NFXL1: variants seen among roughly 807,000 people sequenced by gnomAD.
NFXL1 encodes NF-X1-type zinc finger protein NFXL1.
Under a neutral mutation model 123.3 loss-of-function variants are expected in NFXL1, and 66 were observed. The ratio of observed to expected loss-of-function variants is 0.54; its 90% CI spans 0.44 to 0.66. The LOEUF (loss-of-function observed/expected upper bound fraction) is 0.66. NFXL1 is among the 30% of genes least tolerant of loss of function. The pLI, the probability that NFXL1 is intolerant of heterozygous loss-of-function variation, is 0.00. For missense variants in NFXL1, 944 were observed against 1,125.6 expected (o/e 0.84, Z 2.31); for synonymous variants, 346 against 360.8 (o/e 0.96, Z 0.46).
In NFXL1 at chr4:47,868,038, G is replaced by T. The variant is rs377360416; in HGVS notation, c.2247-5123C>A. 3.5e-4 allele frequency among the ~76,000 whole-genome samples: 53 copies of T among 152,310 alleles called. 1 individual carries two copies. The South Asian group carries it at 0.011, about 32-fold the overall frequency. ...TTGAAAATCTAAGAAAAAAAGGGCT[G>T]GGCGCAGTGGCTCACGCCTGTAATC... On this transcript the variant is annotated intron_variant, in intron 18 of 22. Transcript: ENST00000507489.
At chr4:47,911,665 C>G (rs1196414132) in intron 2 of NFXL1, among the ~76,000 whole-genome samples, 2 of 152,188 alleles carry the variant, frequency 1.3e-5, no homozygotes, top group Non-Finnish European at 2.9e-5. Flanking sequence ...CAACTTCATT[C>G]CAAAAAGAAT....
chr4:47,860,835 T>TA (rs1734722007), intron 19 of NFXL1, among the ~76,000 whole-genome samples: 1 of 151,476 alleles, frequency 6.6e-6, no homozygotes, highest in Admixed American at 6.6e-5. Flanking sequence ...TCAGAAACTC[T>TA]AGAGGGGGGC....
At chr4:47,849,072 C>A (rs1006608571) in intron 22 of NFXL1, among the ~76,000 whole-genome samples, 1 of 152,040 alleles carries the variant, frequency 6.6e-6, no homozygotes, top group African/African-American at 2.4e-5. Flanking sequence ...ACCTATAATT[C>A]TAGTTGTTTA....
intron 15 of NFXL1, among the ~76,000 whole-genome samples, chr4:47,882,945 A>G (rs1242392840): frequency 6.6e-6 from 1 of 152,198 alleles, no homozygotes; most frequent in Non-Finnish European, 1.5e-5. Flanking sequence ...TAAAAATTCT[A>G]GTACAATCTT....
At chr4:47,868,289 A>G (rs1466154526) in intron 18 of NFXL1, among the ~76,000 whole-genome samples, 3 of 151,820 alleles carry the variant, frequency 2.0e-5, no homozygotes, top group Non-Finnish European at 2.9e-5. Context: ...ATTGCACTCC[A>G]GCCTGGGTGA....
At chr4:47,905,369 T>C in intron 3 of NFXL1, 23 bp from the exon 4 acceptor site, 1 of 1,182,246 alleles carries the variant, frequency 8.5e-7, no homozygotes, top group Non-Finnish European at 1.3e-6. Context: ...AGATTGAAAA[T>C]CTCACCCTAA....
chr4:47,894,190 C>T lies in NFXL1; in HGVS notation c.1442G>A (p.Cys481Tyr). ...GGTTAATACACAAACCTTTCTTCTA[C>T]ATTGATGCTTCTGACAGTCACGCAT... ...VKMRDCQKHQ[C>Y]RRKCCPGNCP... Residue 481 changes from cysteine to tyrosine, a missense_variant, in exon 11 of 23, where the codon TGT becomes TAT. Coordinates refer to ENST00000507489, the MANE Select transcript of NFXL1 (RefSeq NM_001278624.2). 6.2e-7 allele frequency: 1 copy of T among 1,601,976 alleles called. No individual in the cohort carries two copies.
chr4:47,875,372 T>C, intron 17 of NFXL1, 79 bp from the exon 18 acceptor site: 1 of 1,010,500 alleles, frequency 9.9e-7, no homozygotes, highest in Admixed American at 3.0e-5. Flanking sequence ...ATAAAATTTA[T>C]ATATCCCATT....
At chr4:47,882,686 A>G (rs1299541273) in intron 15 of NFXL1, among the ~76,000 whole-genome samples, 8 of 151,496 alleles carry the variant, frequency 5.3e-5, no homozygotes, top group Admixed American at 2.6e-4. Flanking sequence ...TTCAGACTAT[A>G]TAAGTGGAAT....
rs1737427556 is a variant in NFXL1 at position 47,903,304 on chromosome 4, C to T, written c.536G>A (p.Cys179Tyr). The change falls in exon 5 of 23, where the codon TGT becomes TAT. Residue 179 changes from cysteine (C) to tyrosine (Y), a missense_variant. Transcript: ENST00000507489. ...ACAGGGCATGTGAAATATACAGAAA[C>T]ATCCCGAACAGCTCCAAACCTAAGA... ...RNQAVWSCSG[C>Y]FCIFHMPCIQ... 1 of 1,565,652 alleles carries T rather than the reference C, an allele frequency of 6.4e-7. No individual in the cohort carries two copies.
At chr4:47,874,916 C>T (rs967241414) in intron 18 of NFXL1, among the ~76,000 whole-genome samples, 3 of 151,682 alleles carry the variant, frequency 2.0e-5, no homozygotes, top group African/African-American at 4.8e-5. Flanking sequence ...TACAGAATCC[C>T]GAAATGGAAA....
intron 20 of NFXL1, among the ~76,000 whole-genome samples, chr4:47,853,739 T>C (rs996680042): frequency 6.6e-6 from 1 of 152,138 alleles, no homozygotes; most frequent in Non-Finnish European, 1.5e-5. Context: ...CAGAGATGAT[T>C]GCTAGATGAC....
chr4:47,913,946 A>T (rs931836442), intron 2 of NFXL1, 23 bp downstream of exon 2: 11 of 1,519,100 alleles, frequency 7.2e-6, no homozygotes, highest in Non-Finnish European at 9.8e-6. Flanking sequence ...CCAGGTGAGC[A>T]CGCGGGCGGG....
In NFXL1 at chr4:47,899,369, C is replaced by T. The variant is rs367573718; in HGVS notation, c.826+1G>A. On this transcript the variant is annotated splice_donor_variant, in intron 6 of 22. Transcript: ENST00000507489. LOFTEE classifies it high-confidence loss of function. Reference sequence around the variant, plus strand: ...AATTTAAAATGCAATATATAACTCACCTGGATGACAGAGGAGTAAACATTT... The same window carrying T: ...AATTTAAAATGCAATATATAACTCATCTGGATGACAGAGGAGTAAACATTT... 8 of 1,608,128 alleles carry T rather than the reference C, an allele frequency of 5.0e-6. No homozygotes were observed. Among genetic ancestry groups the T allele is most frequent in the Admixed American group, 1.7e-5 (1 of 59,856 alleles).
chr4:47,850,786 G>A (rs7675291), intron 22 of NFXL1, among the ~76,000 whole-genome samples: 7,146 of 151,932 alleles, frequency 0.047, 606 homozygotes, highest in African/African-American at 0.16. Flanking sequence ...GTGATGATTC[G>A]CTCACTCTCA....
chr4:47,865,664 G>C (rs1473002666), intron 18 of NFXL1, among the ~76,000 whole-genome samples: 1 of 152,126 alleles, frequency 6.6e-6, no homozygotes, highest in Non-Finnish European at 1.5e-5. Context: ...TACCCTGGTA[G>C]ACCACAGCAC....
rs771314651 is a variant in NFXL1, at chr4:47,855,048, A to G, written c.2421+11T>C. On this transcript the variant is annotated intron_variant, in intron 20 of 22. Coordinates refer to ENST00000507489, the MANE Select transcript of NFXL1 (RefSeq NM_001278624.2). ...TATAGAAAAGTATTTTCAATAACTTAAAATATTTACCTTTTTTATTCTTTT... is the reference window on the plus strand; with the variant it reads ...TATAGAAAAGTATTTTCAATAACTTGAAATATTTACCTTTTTTATTCTTTT... 1 of 1,208,772 alleles carries G rather than the reference A, an allele frequency of 8.3e-7. No individual in the cohort carries two copies. The highest frequency in any genetic ancestry group is 1.2e-6 in the Non-Finnish European group (1 of 844,832). The allele number at this position is 1,208,772 out of a possible 1,614,324, so 74.9% of individuals were successfully genotyped here. A position where few individuals can be genotyped will look rare whatever the true frequency, so the allele number is the denominator to read the frequency against.
intron 2 of NFXL1, among the ~76,000 whole-genome samples, chr4:47,911,228 G>A (rs1404934601): frequency 1.3e-5 from 2 of 151,992 alleles, no homozygotes; most frequent in East Asian, 3.9e-4. Flanking sequence ...AAATTTTTAT[G>A]ATAACGGTGA....
chr4:47,905,113 A>C, intron 4 of NFXL1, 124 bp downstream of exon 4: 1 of 451,656 alleles, frequency 2.2e-6, no homozygotes, highest in Non-Finnish European at 4.0e-6. Context: ...ATTCATATAC[A>C]AAATTCTCAA....
Sources: gnomAD v4.1 joint callset for allele counts (sites outside exome capture counted in the v4.1 genomes callset) on GRCh38, gnomAD v4.1.1 for gene constraint, MANE v1.5 for transcripts, NCBI Gene and HGNC (gene_info 2026-07-23, HGNC 2026-07-21) for gene names.